Variants in NUP85 observed in about 807,000 individuals in gnomAD.
NUP85 encodes the protein nucleoporin 85, also known as nuclear pore complex protein Nup85.
A neutral mutation model predicts 92.8 loss-of-function variants in NUP85; 23 were observed. The observed-to-expected ratio is 0.25, with a 90% CI of 0.18 to 0.35. The LOEUF is 0.35. Ranked by LOEUF, NUP85 falls within the 10% of genes least tolerant of loss-of-function variation. NUP85 has a pLI of 1.00. For synonymous variants in NUP85, 314 were observed against 306.9 expected (o/e 1.02, Z -0.24); for missense variants, 759 against 822.8 (o/e 0.92, Z 0.95).
intron 6 of NUP85, among the ~76,000 whole-genome samples, chr17:75,217,530 GA>G (rs2075468649): frequency 6.6e-6 from 1 of 151,890 alleles, no homozygotes; most frequent in Non-Finnish European, 1.5e-5. Flanking sequence ...TGTTTTTTGA[GA>G]CAGAGTCTCA....
chr17:75,235,592 G>A lies in NUP85; in HGVS notation c.1884G>A (p.Glu628=), dbSNP rs1218287165. Residue 628 remains glutamate (E), a synonymous_variant, in exon 19 of 19, where the codon GAG becomes GAA. Coordinates refer to ENST00000245544, the MANE Select transcript of NUP85 (RefSeq NM_024844.5). ...DTEQLQDDDI[E]TTKVEMLRLS... is the part of the protein sequence containing the mutation. Reference sequence around the variant, plus strand: ...CTGCTTTGCAGGATGATGACATAGAGACCACCAAGGTGGAAATGCTGAGAC... The same window carrying A: ...CTGCTTTGCAGGATGATGACATAGAAACCACCAAGGTGGAAATGCTGAGAC... 6.2e-7 allele frequency: 1 copy of A among 1,613,722 alleles called. No homozygotes were observed. Among genetic ancestry groups the A allele is most frequent in the Non-Finnish European group, 8.5e-7 (1 of 1,179,608 alleles).
intron 4 of NUP85, among the ~76,000 whole-genome samples, chr17:75,212,586 C>T (rs889029958): frequency 8.6e-5 from 13 of 150,846 alleles, no homozygotes; most frequent in Admixed American, 1.3e-4. Context: ...GATCTTCCTA[C>T]CTCATCCTTC....
chr17:75,211,745 C>T (rs2075265833), intron 3 of NUP85, among the ~76,000 whole-genome samples: 1 of 152,054 alleles, frequency 6.6e-6, no homozygotes, highest in Non-Finnish European at 1.5e-5. Flanking sequence ...CAAGGTCTGA[C>T]CAGTAGATTT....
intron 5 of NUP85, 74 bp from the exon 6 acceptor site, chr17:75,215,680 T>C: frequency 7.4e-7 from 1 of 1,359,034 alleles, no homozygotes; most frequent in South Asian, 1.2e-5. Flanking sequence ...AGTCAAAGTC[T>C]GCTTTATCCC....
At position 75,234,698 on chromosome 17, in the gene NUP85, C is replaced by T. The variant is rs1555669283; in HGVS notation, c.1677C>T (p.Leu559=). 4 of 1,614,206 alleles carry T rather than the reference C, an allele frequency of 2.5e-6. No homozygotes were observed. Among genetic ancestry groups the T allele is most frequent in the South Asian group, 2.2e-5 (2 of 91,086 alleles). ...AGCGTTTTGCCGACGCAGCTTCTCT[C>T]CTTCTGTCCTTGATGACGTCTCGGA... ...GEKRFADAAS[L]LLSLMTSRIA... is the part of the protein sequence containing the mutation. Residue 559 remains leucine (L), a synonymous_variant, in exon 17 of 19, where the codon CTC becomes CTT. Transcript: ENST00000245544.
At chr17:75,212,241 GTTGTTGTTTTTTTTTTTTTTTTTT>G (rs1568069612) in intron 4 of NUP85, among the ~76,000 whole-genome samples, 179 bp downstream of exon 4, 269 of 2,756 alleles carry the variant, frequency 0.098, 12 homozygotes, top group African/African-American at 0.14. Context: ...TTTTTTTTTT[GTTGTTGTTTTTTTTTTTTTTTTTT>G]TTTTTTTTTT....
In NUP85 at chr17:75,232,915, C is replaced by T. The variant is rs1329505745; in HGVS notation, c.1461C>T (p.Leu487=). The T allele has an allele frequency of 6.8e-6, 11 of 1,614,252 alleles. No individual in the cohort carries two copies. The highest frequency in any genetic ancestry group is 9.3e-6 in the Non-Finnish European group (11 of 1,180,048). ...AVRNNRLGSA[L]SWSIRAKDAA... ...GCAACAATCGCCTGGGTTCTGCCCTCTCTTGGAGCATCCGTGCTAAGGATG... is the reference window on the plus strand; with the variant it reads ...GCAACAATCGCCTGGGTTCTGCCCTTTCTTGGAGCATCCGTGCTAAGGATG... Residue 487 remains leucine, a synonymous_variant, in exon 15 of 19, where the codon CTC becomes CTT. Transcript: ENST00000245544.
chr17:75,207,822 T>C (rs755932838), intron 1 of NUP85, among the ~76,000 whole-genome samples: 5 of 151,856 alleles, frequency 3.3e-5, no homozygotes, highest in Non-Finnish European at 7.4e-5. Flanking sequence ...ACCCCATCTC[T>C]ACTAAAAAAA....
In NUP85 at chr17:75,225,826, C is replaced by G. The variant is rs1211592201; in HGVS notation, c.984C>G (p.Ala328=). ...TVKPIDLHYY[A]QSSLDLFLGG... ...AACCCATTGATCTGCACTACTATGC[C>G]CAGGTGAGTGAGCTCGGGGTGGGCA... The change falls in exon 10 of 19, where the codon GCC becomes GCG. Residue 328 remains alanine, a synonymous_variant. Transcript: ENST00000245544. The G allele has an allele frequency of 6.2e-7, 1 of 1,613,958 alleles. No homozygotes were observed. Among genetic ancestry groups the G allele is most frequent in the African/African-American group, 1.3e-5 (1 of 74,884 alleles).
intron 7 of NUP85, among the ~76,000 whole-genome samples, chr17:75,224,191 G>A (rs1048567596): frequency 1.3e-5 from 2 of 151,980 alleles, no homozygotes; most frequent in Admixed American, 6.6e-5. Context: ...GACTACAGGC[G>A]CCTGCCACCA....
Position 75,226,152 on chromosome 17 carries a change from G to T in NUP85, c.1089G>T (p.Glu363Asp), listed in dbSNP as rs750613625. The T allele has an allele frequency of 6.2e-6, 10 of 1,613,376 alleles. No individual in the cohort carries two copies. Among genetic ancestry groups the T allele is most frequent in the Non-Finnish European group, 7.6e-6 (9 of 1,179,516 alleles). ...TTGACATCCATCAAGTAATCAAAGA[G>T]TGCAGGTAGGATCTCTCCCACCCCC... ...FEFDIHQVIK[E>D]CSIALSNWWF... Residue 363 changes from glutamate to aspartate, a missense_variant, in exon 11 of 19, where the codon GAG becomes GAT. Transcript: ENST00000245544.
At chr17:75,223,712 A>G (rs952232528) in intron 7 of NUP85, among the ~76,000 whole-genome samples, 2 of 152,010 alleles carry the variant, frequency 1.3e-5, no homozygotes, top group Non-Finnish European at 2.9e-5. Context: ...TTACATATTT[A>G]TATTTGAACT....
chr17:75,230,810 C>CTG (rs1209502412), intron 11 of NUP85, among the ~76,000 whole-genome samples: 2 of 152,080 alleles, frequency 1.3e-5, no homozygotes, highest in Admixed American at 1.3e-4. Context: ...ATCTCAGCTA[C>CTG]TGAAGAGGCT....
Position 75,212,073 on chromosome 17 carries a change from T to TGTGCGC in NUP85, c.361+19_361+24dup, listed in dbSNP as rs1043003596. 7.0e-6 allele frequency: 11 copies of TGTGCGC among 1,564,214 alleles called. No homozygotes were observed. The highest frequency in any genetic ancestry group is 7.8e-6 in the Non-Finnish European group (9 of 1,159,030). On this transcript the variant is annotated intron_variant, in intron 4 of 18. Transcript: ENST00000245544. ...TGCACCAGGTTGCAAGTAAGGACTG[T>TGTGCGC]GTGCGCGTGCGCGCGTGTGTGTGTG... is the stretch of plus-strand genomic sequence containing the variant.
In NUP85 at chr17:75,235,755, T is replaced by C. The variant is rs1270329502; in HGVS notation, c.*76T>C. On this transcript the variant is annotated 3_prime_UTR_variant, in exon 19 of 19. Coordinates refer to ENST00000245544, the MANE Select transcript of NUP85 (RefSeq NM_024844.5). The stretch of plus-strand genomic sequence containing the variant: ...AAAAGAATAAATGTTGTTTTGCAAA[T>C]GTAGGTTCTTAGAGTCCACCCAGGG... 8 of 1,157,078 alleles carry C rather than the reference T, an allele frequency of 6.9e-6. No individual in the cohort carries two copies. In the African/African-American group the frequency reaches 9.2e-5, roughly 13 times the overall value. 71.7% of individuals were successfully genotyped at this position (1,157,078 alleles called of 1,614,324 possible).
chr17:75,233,176 G>C lies in NUP85; in HGVS notation c.1615+18G>C. The C allele has an allele frequency of 1.9e-6, 3 of 1,610,670 alleles. No individual in the cohort carries two copies. The highest frequency in any genetic ancestry group is 1.7e-4 in the Middle Eastern group (1 of 5,756). On this transcript the variant is annotated intron_variant, in intron 16 of 18. Transcript: ENST00000245544. The stretch of plus-strand genomic sequence containing the variant: ...ATTCCTGGGTGAGTCTCTGGGTTTT[G>C]TGCCCTGTGCTTTGGGCACAAGTGG...
rs936898451 is a variant in NUP85, at chr17:75,231,476, G to A, written c.1178+53G>A. ...CTCTTCTTACCACCAGGCCCCCGAG[G>A]GTGGTGTGAACTGAATGCCTGAAAG... On this transcript the variant is annotated intron_variant, in intron 12 of 18. Transcript: ENST00000245544. The surrounding 1 kb of genome is among the most constrained non-coding windows in gnomAD (Gnocchi z 4.6). 27 of 1,610,706 alleles carry A rather than the reference G, an allele frequency of 1.7e-5. No homozygotes were observed. The highest frequency in any genetic ancestry group is 5.3e-5 in the African/African-American group (4 of 74,984).
intron 11 of NUP85, chr17:75,228,303 C>T: frequency 1.0e-6 from 1 of 985,378 alleles, no homozygotes; most frequent in Non-Finnish European, 1.2e-6. Flanking sequence ...TCGTGCCGGA[C>T]ACAGACAAGG....
At chr17:75,210,806 A>G (rs1392723490) in intron 3 of NUP85, among the ~76,000 whole-genome samples, 2 of 151,810 alleles carry the variant, frequency 1.3e-5, no homozygotes, top group African/African-American at 2.4e-5. Context: ...GATTCACGCC[A>G]TTCTCCTGCC....
Sources: allele counts gnomAD v4.1 joint callset (sites outside exome capture counted in the v4.1 genomes callset), GRCh38; gene constraint gnomAD v4.1.1; non-coding constraint Gnocchi (gnomAD v3.1); transcripts MANE v1.5; gene names NCBI Gene and HGNC (gene_info 2026-07-23, HGNC 2026-07-21).